The following DHDDS variants were observed in gnomAD, a reference collection of about 807,000 sequenced individuals.
DHDDS encodes dehydrodolichyl diphosphate synthase subunit.
Under a neutral mutation model 46.2 loss-of-function variants are expected in DHDDS, and 16 were observed. The observed-to-expected ratio is 0.35, with a 90% CI of 0.23 to 0.53. The LOEUF is 0.53. Ranked by LOEUF, DHDDS falls within the 20% of genes least tolerant of loss-of-function variation. The probability of loss-of-function intolerance (pLI) is 0.94; values close to 1 mark genes in which losing one functional copy is unlikely to be tolerated. For synonymous variants in DHDDS, 151 were observed against 163.1 expected, an observed-to-expected ratio of 0.93 and a Z score of 0.56; for missense variants, 340 against 423.7, an observed-to-expected ratio of 0.80 and a Z score of 1.73.
rs564727762 is a variant in DHDDS, at chr1:26,441,521, A to G, written c.181-1210A>G. ...AGCCAGTTTCATTTCTTTTTGAGTT[A>G]TAATTTCATATGGTGAACTGCACAG... On this transcript the variant is annotated intron_variant, in intron 3 of 8. Coordinates refer to ENST00000236342, the MANE Select transcript of DHDDS (RefSeq NM_205861.3). 5.9e-5 allele frequency among the ~76,000 whole-genome samples: 9 copies of G among 152,254 alleles called. No homozygotes were observed. In the South Asian group the frequency reaches 1.7e-3, roughly 28 times the overall value.
intron 8 of DHDDS, chr1:26,467,344 G>A (rs1415996812): frequency 2.1e-6 from 1 of 471,552 alleles, no homozygotes; most frequent in Non-Finnish European, 4.4e-6. Flanking sequence ...CCAGCAAGAC[G>A]GAGAGCTCTA....
chr1:26,456,106 G>C (rs939321862), intron 6 of DHDDS, among the ~76,000 whole-genome samples: 5 of 152,154 alleles, frequency 3.3e-5, no homozygotes, highest in African/African-American at 1.2e-4. Flanking sequence ...TGGGAAAGTA[G>C]CTCTTATCAA....
intron 6 of DHDDS, among the ~76,000 whole-genome samples, chr1:26,451,816 AGACG>A (rs1389990363): frequency 6.6e-6 from 1 of 151,932 alleles, no homozygotes; most frequent in South Asian, 2.1e-4. Context: ...TTTTTAGTAG[AGACG>A]GGTTTCACCA....
At chr1:26,462,313 G>C (rs575803924) in intron 8 of DHDDS, among the ~76,000 whole-genome samples, 1 of 152,164 alleles carries the variant, frequency 6.6e-6, no homozygotes, top group South Asian at 2.1e-4. Context: ...GAGCCACCAT[G>C]CCTGGCCGTC....
At chr1:26,463,151 T>G (rs879205409) in intron 8 of DHDDS, among the ~76,000 whole-genome samples, 1 of 152,206 alleles carries the variant, frequency 6.6e-6, no homozygotes, top group African/African-American at 2.4e-5. Context: ...AGTTGCATTT[T>G]GTAAAAATCA....
chr1:26,437,915 A>G (rs1228023063), intron 2 of DHDDS, among the ~76,000 whole-genome samples: 1 of 152,088 alleles, frequency 6.6e-6, no homozygotes, highest in Admixed American at 6.5e-5. Flanking sequence ...CAGGAGGCCA[A>G]GGCTACAGTC....
chr1:26,433,493 T>C (rs777521601), intron 2 of DHDDS, among the ~76,000 whole-genome samples: 12 of 151,356 alleles, frequency 7.9e-5, no homozygotes, highest in Non-Finnish European at 1.5e-4. Context: ...TCCAAAAAAT[T>C]AAAAAAATAG....
At chr1:26,454,950 G>T in intron 6 of DHDDS, 1 of 1,602,338 alleles carries the variant, frequency 6.2e-7, no homozygotes, top group Non-Finnish European at 8.5e-7. Flanking sequence ...CACTGACCTT[G>T]TGTCCAGCCC....
At chr1:26,450,663 G>A (rs1251162668) in intron 6 of DHDDS, among the ~76,000 whole-genome samples, 1 of 152,174 alleles carries the variant, frequency 6.6e-6, no homozygotes, top group Admixed American at 6.6e-5. Context: ...AAACAATGGT[G>A]TCAAATGCTG....
At chr1:26,442,544 G>A (rs1391240336) in intron 3 of DHDDS, among the ~76,000 whole-genome samples, 187 bp from the exon 4 acceptor site, 1 of 152,138 alleles carries the variant, frequency 6.6e-6, no homozygotes, top group East Asian at 1.9e-4. Flanking sequence ...TTCTTCAATG[G>A]TGGTTTTCTG....
chr1:26,440,850 T>C (rs1350396323), intron 3 of DHDDS, among the ~76,000 whole-genome samples: 1 of 152,164 alleles, frequency 6.6e-6, no homozygotes, highest in African/African-American at 2.4e-5. Flanking sequence ...CTCTCAACAT[T>C]GTCCTCCACC....
chr1:26,440,927 C>CT lies in DHDDS; in HGVS notation c.181-1789dup, dbSNP rs964765345. On this transcript the variant is annotated intron_variant, in intron 3 of 8. Coordinates refer to ENST00000236342, the MANE Select transcript of DHDDS (RefSeq NM_205861.3). ...CAGCCCCAAAGGACTAAGTTTTCTT[C>CT]TTTTTTTTTTTTTTTGAGACGGAGT... Among the ~76,000 whole-genome samples, 397 of 142,798 alleles carry CT rather than the reference C, an allele frequency of 2.8e-3. 2 individuals are homozygous for CT. The highest frequency in any genetic ancestry group is 4.2e-3 in the East Asian group (21 of 4,954). 93.7% of individuals were successfully genotyped at this position (142,798 alleles called of 152,430 possible).
intron 2 of DHDDS, among the ~76,000 whole-genome samples, chr1:26,434,534 G>T (rs1334919402): frequency 6.6e-6 from 1 of 152,188 alleles, no homozygotes; most frequent in Non-Finnish European, 1.5e-5. Flanking sequence ...AAAAGGAGAA[G>T]TGTTGATGAG....
intron 3 of DHDDS, 127 bp from the exon 4 acceptor site, chr1:26,442,604 C>A: frequency 9.1e-7 from 1 of 1,104,744 alleles, no homozygotes; most frequent in Non-Finnish European, 1.4e-6. Flanking sequence ...ATCCTAGCTT[C>A]ACCCAGCTTT....
At chr1:26,457,112 A>G (rs1195748875) in intron 6 of DHDDS, among the ~76,000 whole-genome samples, 1 of 152,154 alleles carries the variant, frequency 6.6e-6, no homozygotes, top group Non-Finnish European at 1.5e-5. Flanking sequence ...ACTTTCAGCA[A>G]ATTATTCATC....
In DHDDS at chr1:26,468,999, G is replaced by A. The variant is rs751034977; in HGVS notation, c.870G>A (p.Gly290=). 1 of 1,614,168 alleles carries A rather than the reference G, an allele frequency of 6.2e-7. No homozygotes were observed. Among genetic ancestry groups the A allele is most frequent in the Non-Finnish European group, 8.5e-7 (1 of 1,180,048 alleles). The change falls in exon 9 of 9, where the codon GGG becomes GGA. Residue 290 remains glycine, a synonymous_variant. Transcript: ENST00000236342. Reference sequence around the variant, plus strand: ...TGCGAGAGGGGCTCCAAGCCAGTGGGGACGCCCAGCTCCGAAGGACACGCT... The same window carrying A: ...TGCGAGAGGGGCTCCAAGCCAGTGGAGACGCCCAGCTCCGAAGGACACGCT... ...QLLREGLQAS[G]DAQLRRTRLH...
chr1:26,435,259 C>G (rs942431854), intron 2 of DHDDS, among the ~76,000 whole-genome samples: 1 of 151,952 alleles, frequency 6.6e-6, no homozygotes, highest in Admixed American at 6.6e-5. Flanking sequence ...ATCCACCCGC[C>G]TCGGCCTCCC....
chr1:26,442,660 C>T, intron 3 of DHDDS, 71 bp from the exon 4 acceptor site: 2 of 1,600,106 alleles, frequency 1.2e-6, no homozygotes, highest in Non-Finnish European at 8.6e-7. Context: ...TGAGTCAGGA[C>T]CAAAAAGTAT....
intron 6 of DHDDS, chr1:26,455,019 A>C (rs1392716656): frequency 3.0e-6 from 4 of 1,324,790 alleles, no homozygotes; most frequent in Admixed American, 1.7e-5. Flanking sequence ...AATGGTACGC[A>C]CTGTTTCTGT....
Sources: allele counts gnomAD v4.1 joint callset (sites outside exome capture counted in the v4.1 genomes callset), GRCh38; gene constraint gnomAD v4.1.1; transcripts MANE v1.5; gene names NCBI Gene and HGNC (gene_info 2026-07-23, HGNC 2026-07-21).